Variants in ZNF184 observed in about 807,000 individuals in gnomAD.
The protein encoded by ZNF184 is zinc finger protein 184 (Kruppel-like).
Under a neutral mutation model 54.4 loss-of-function variants are expected in ZNF184, and 16 were observed. That is an observed-to-expected ratio of 0.29 (90% CI 0.20 to 0.45). ZNF184 has a LOEUF of 0.45. Among genes scored for constraint, ZNF184 ranks in the 20% least tolerant of loss-of-function variants. The probability of loss-of-function intolerance (pLI) is 1.00; values close to 1 mark genes in which losing one functional copy is unlikely to be tolerated. For missense variants in ZNF184, 681 were observed against 888.2 expected (o/e 0.77, Z 2.97); for synonymous variants, 254 against 295.3 (o/e 0.86, Z 1.43).
At chr6:27,437,926 G>A in the ZNF184 span, among the ~76,000 whole-genome samples, 1 of 152,098 alleles carries the variant, frequency 6.6e-6, no homozygotes. Flanking sequence ...TTATTCCTAG[G>A]TAGTTAGGTC....
chr6:27,472,153 G>A lies in ZNF184; in HGVS notation c.7+135C>T. On this transcript the variant is annotated intron_variant, in intron 2 of 5. Transcript: ENST00000683788. This position sits in a 1 kb window ranked among gnomAD's most constrained non-coding sequence, Gnocchi z 4.8. The stretch of plus-strand genomic sequence containing the variant: ...AGAATCTCTCCCTACAATGTAATTC[G>A]GTTTCTTTGCTAATCCCTAAGCATA... 8 of 1,133,742 alleles carry A rather than the reference G, an allele frequency of 7.1e-6. No homozygotes were observed. The highest frequency in any genetic ancestry group is 1.0e-5 in the Non-Finnish European group (8 of 799,664). The allele number at this position is 1,133,742 out of a possible 1,614,324, so 70.2% of individuals were successfully genotyped here. A position where few individuals can be genotyped will look rare whatever the true frequency, so the allele number is the denominator to read the frequency against.
chr6:27,408,137 G>T, the ZNF184 span: 1 of 667,400 alleles, frequency 1.5e-6, no homozygotes. Context: ...TTACACTGGG[G>T]TGAGAAGGGA....
chr6:27,410,622 C>T, the ZNF184 span, among the ~76,000 whole-genome samples: 16 of 152,262 alleles, frequency 1.1e-4, no homozygotes, highest in South Asian at 3.1e-3. Context: ...ACCTCCCCTT[C>T]CCGGGTTCAA....
the ZNF184 span, among the ~76,000 whole-genome samples, chr6:27,433,625 A>G: frequency 1.3e-5 from 2 of 152,248 alleles, no homozygotes; most frequent in Non-Finnish European, 2.9e-5. Context: ...TTCACTTAGC[A>G]TAATGTTTTC....
At chr6:27,408,262 A>G in the ZNF184 span, among the ~76,000 whole-genome samples, 2 of 152,262 alleles carry the variant, frequency 1.3e-5, no homozygotes, top group Admixed American at 6.5e-5. Context: ...ATATTGAATA[A>G]TTGGAGCTGA....
chr6:27,405,112 A>C, the ZNF184 span: 1 of 152,196 alleles, frequency 6.6e-6, no homozygotes, highest in Non-Finnish European at 1.5e-5. Flanking sequence ...GGTTGGTGCA[A>C]AAGTAACTGC....
the ZNF184 span, among the ~76,000 whole-genome samples, chr6:27,430,831 A>T: frequency 6.6e-6 from 1 of 152,212 alleles, no homozygotes; most frequent in East Asian, 1.9e-4. Flanking sequence ...TTCATGTTTT[A>T]CTACAATTGC....
At chr6:27,430,953 A>T in the ZNF184 span, among the ~76,000 whole-genome samples, 1 of 152,202 alleles carries the variant, frequency 6.6e-6, no homozygotes, top group Admixed American at 6.5e-5. Context: ...AGGCACAAAC[A>T]ACAAGAGGTC....
chr6:27,427,742 A>G, the ZNF184 span, among the ~76,000 whole-genome samples: 1 of 152,218 alleles, frequency 6.6e-6, no homozygotes, highest in African/African-American at 2.4e-5. Flanking sequence ...GGAGCTAATC[A>G]TCTTCAATCC....
the ZNF184 span, among the ~76,000 whole-genome samples, chr6:27,430,152 G>C: frequency 6.6e-6 from 1 of 152,166 alleles, no homozygotes; most frequent in Admixed American, 6.5e-5. Flanking sequence ...TGTATAGGGA[G>C]GGCATCTTTC....
chr6:27,414,244 T>C, the ZNF184 span, among the ~76,000 whole-genome samples: 1 of 152,214 alleles, frequency 6.6e-6, no homozygotes, highest in African/African-American at 2.4e-5. Context: ...CTTATCTCTT[T>C]GTTTTCATCC....
the ZNF184 span, among the ~76,000 whole-genome samples, chr6:27,417,695 A>T: frequency 2.0e-5 from 3 of 152,206 alleles, no homozygotes; most frequent in Non-Finnish European, 4.4e-5. Flanking sequence ...TCTGATTCTG[A>T]GAGTCTAAGC....
the ZNF184 span, among the ~76,000 whole-genome samples, chr6:27,438,152 A>G: frequency 6.6e-6 from 1 of 152,186 alleles, no homozygotes; most frequent in African/African-American, 2.4e-5. Context: ...GAAGTTTACC[A>G]TGGAGTAAAA....
chr6:27,420,027 A>G, the ZNF184 span, among the ~76,000 whole-genome samples: 1 of 152,170 alleles, frequency 6.6e-6, no homozygotes, highest in South Asian at 2.1e-4. Context: ...TCACATGTGC[A>G]TGGACAAATG....
intron 3 of ZNF184, among the ~76,000 whole-genome samples, chr6:27,462,358 C>G (rs575706342): frequency 6.6e-6 from 1 of 151,800 alleles, no homozygotes. Context: ...CCACCACACC[C>G]GGCTAATTTT....
chr6:27,459,633 TA>T (rs937383513), intron 3 of ZNF184, among the ~76,000 whole-genome samples: 3 of 152,204 alleles, frequency 2.0e-5, no homozygotes, highest in African/African-American at 7.2e-5. Flanking sequence ...CTTTAATGGA[TA>T]CACCATTTGA....
At chr6:27,425,021 G>A in the ZNF184 span, among the ~76,000 whole-genome samples, 1 of 152,216 alleles carries the variant, frequency 6.6e-6, no homozygotes, top group Non-Finnish European at 1.5e-5. Context: ...GCACCGGTGG[G>A]CTAGCACTGC....
chr6:27,446,381 G>C (rs939388220), downstream of ZNF184, among the ~76,000 whole-genome samples: 1 of 152,228 alleles, frequency 6.6e-6, no homozygotes, highest in African/African-American at 2.4e-5. Context: ...TTAGGCCCAG[G>C]TATGGCTTGA....
chr6:27,461,489 T>C (rs1263102455), intron 3 of ZNF184, among the ~76,000 whole-genome samples: 2 of 151,890 alleles, frequency 1.3e-5, no homozygotes, highest in African/African-American at 2.4e-5. Context: ...GCCCTAACAA[T>C]GCTTACAGTT....
Sources: allele counts gnomAD v4.1 joint callset (sites outside exome capture counted in the v4.1 genomes callset), GRCh38; gene constraint gnomAD v4.1.1; non-coding constraint Gnocchi (gnomAD v3.1); transcripts MANE v1.5; gene names NCBI Gene and HGNC (gene_info 2026-07-23, HGNC 2026-07-21).